The following NHLRC2 variants were observed in gnomAD, a reference collection of about 807,000 sequenced individuals.
NHLRC2 encodes NHL repeat-containing protein 2.
NHLRC2 carries 33 observed loss-of-function variants against 68.1 expected under a neutral mutation model. The ratio of observed to expected loss-of-function variants is 0.48; its 90% CI spans 0.37 to 0.65. The LOEUF (loss-of-function observed/expected upper bound fraction) is 0.65. NHLRC2 is among the 30% of genes least tolerant of loss of function. The pLI, the probability that NHLRC2 is intolerant of heterozygous loss-of-function variation, is 0.00. For missense variants in NHLRC2, 761 were observed against 853.8 expected, an observed-to-expected ratio of 0.89 and a Z score of 1.35; for synonymous variants, 311 against 309.6, an observed-to-expected ratio of 1.00 and a Z score of -0.05.
chr10:113,876,260 GAA>G (rs943018477), intron 2 of NHLRC2, among the ~76,000 whole-genome samples: 6 of 151,756 alleles, frequency 4.0e-5, no homozygotes, highest in Non-Finnish European at 5.9e-5. Context: ...CTAAATAAAA[GAA>G]AAAAAGTTTT....
chr10:113,871,483 T>C (rs1469492203), intron 2 of NHLRC2, among the ~76,000 whole-genome samples: 1 of 152,242 alleles, frequency 6.6e-6, no homozygotes, highest in Admixed American at 6.5e-5. Context: ...CCTCAATTTA[T>C]TGTTAAACAA....
intron 2 of NHLRC2, among the ~76,000 whole-genome samples, chr10:113,875,912 C>CTTT (rs78571661): frequency 7.5e-6 from 1 of 132,742 alleles, no homozygotes; most frequent in Non-Finnish European, 1.6e-5. Flanking sequence ...CAGCCAAACA[C>CTTT]TTTTTTTTTT....
chr10:113,912,762 T>C lies in NHLRC2; in HGVS notation c.*4226T>C, dbSNP rs1387671129. 1.3e-5 allele frequency: 2 copies of C among 152,220 alleles called. No homozygotes were observed. Among genetic ancestry groups the C allele is most frequent in the East Asian group, 3.8e-4 (2 of 5,202 alleles). 9.4% of individuals were successfully genotyped at this position (152,220 alleles called of 1,614,324 possible). ...AGACAGCTTTGGAATAGTGGTGACG[T>C]ATCTGAAGAATAGAAAACCGGAATA... On this transcript the variant is annotated 3_prime_UTR_variant, in exon 11 of 11. Coordinates refer to ENST00000369301, the MANE Select transcript of NHLRC2 (RefSeq NM_198514.4).
chr10:113,893,735 C>G (rs945014693), intron 5 of NHLRC2, among the ~76,000 whole-genome samples: 3 of 152,090 alleles, frequency 2.0e-5, no homozygotes. Context: ...ATAGTAAGCC[C>G]CAGCTGAGCT....
At chr10:113,894,516 C>T (rs1460890987) in intron 5 of NHLRC2, among the ~76,000 whole-genome samples, 1 of 152,130 alleles carries the variant, frequency 6.6e-6, no homozygotes, top group Non-Finnish European at 1.5e-5. Context: ...ATAGTTATGT[C>T]ATCTGCTAAT....
chr10:113,861,029 G>T (rs540902901), intron 2 of NHLRC2, among the ~76,000 whole-genome samples: 1 of 152,118 alleles, frequency 6.6e-6, no homozygotes, highest in Non-Finnish European at 1.5e-5. Context: ...TAAACTCATC[G>T]TAAAGTTGAA....
intron 1 of NHLRC2, among the ~76,000 whole-genome samples, chr10:113,857,148 T>C (rs1845767652): frequency 6.6e-6 from 1 of 152,204 alleles, no homozygotes; most frequent in Non-Finnish European, 1.5e-5. Flanking sequence ...GTAATTATTG[T>C]TATTGTAAAA....
chr10:113,892,400 T>C (rs1232178686), intron 5 of NHLRC2, among the ~76,000 whole-genome samples: 1 of 152,188 alleles, frequency 6.6e-6, no homozygotes, highest in Non-Finnish European at 1.5e-5. Context: ...AAGTGCACTC[T>C]TTTTTGTAAT....
Position 113,909,811 on chromosome 10 carries a change from C to A in NHLRC2, c.*1275C>A, listed in dbSNP as rs1338160748. On this transcript the variant is annotated 3_prime_UTR_variant, in exon 11 of 11. Transcript: ENST00000369301. ...AAGGGTTTAAAAACATCAGGTGAAC[C>A]ATGTTTATTTATTCAGTAAATATTT... is the stretch of plus-strand genomic sequence containing the variant. The A allele has an allele frequency of 6.6e-6, 1 of 151,986 alleles. No homozygotes were observed. 9.4% of individuals were successfully genotyped at this position (151,986 alleles called of 1,614,324 possible).
rs1258285782 is a variant in NHLRC2, at chr10:113,914,606, T to G, written c.*6070T>G. On this transcript the variant is annotated 3_prime_UTR_variant, in exon 11 of 11. Transcript: ENST00000369301. ...AGTAGTAGTATGGTGCAGTAAGGAA[T>G]TTTGTTAATTTTGTTATAAACTCCC... 4.5e-6 allele frequency: 1 copy of G among 221,016 alleles called. No individual in the cohort carries two copies. Among genetic ancestry groups the G allele is most frequent in the Non-Finnish European group, 9.1e-6 (1 of 110,458 alleles). 13.7% of individuals were successfully genotyped at this position (221,016 alleles called of 1,614,324 possible).
At chr10:113,888,858 G>T (rs911460829) in intron 5 of NHLRC2, among the ~76,000 whole-genome samples, 3 of 141,122 alleles carry the variant, frequency 2.1e-5, no homozygotes, top group Non-Finnish European at 4.5e-5. Flanking sequence ...ACTGAGGCTC[G>T]CCATATCACC....
intron 3 of NHLRC2, among the ~76,000 whole-genome samples, chr10:113,878,220 G>C (rs1846002964): frequency 6.6e-6 from 1 of 151,868 alleles, no homozygotes; most frequent in African/African-American, 2.4e-5. Flanking sequence ...TTCCTTATGG[G>C]GGGGTATAGT....
At chr10:113,875,543 A>G (rs1233579561) in intron 2 of NHLRC2, among the ~76,000 whole-genome samples, 8 of 152,192 alleles carry the variant, frequency 5.3e-5, no homozygotes, top group Non-Finnish European at 1.0e-4. Context: ...GGACAAAGCT[A>G]GGAAAAGGAT....
intron 10 of NHLRC2, 90 bp downstream of exon 10, chr10:113,905,126 C>T: frequency 1.5e-6 from 1 of 682,986 alleles, no homozygotes; most frequent in Non-Finnish European, 2.3e-6. Context: ...TATTTTTACT[C>T]TGTATAGGCA....
chr10:113,898,115 G>A lies in NHLRC2; in HGVS notation c.1045G>A (p.Glu349Lys), dbSNP rs1846191877. 1 of 1,600,454 alleles carries A rather than the reference G, an allele frequency of 6.2e-7. No homozygotes were observed. ...AATGATTTATTTTTATAAAGGTTCA[G>A]AGGTCCAAAGAGGTGACATTTTATG... ...WDVVFGTSGS[E>K]VQRGDILWIA... The change falls in exon 6 of 11, where the codon GAG becomes AAG. Residue 349 changes from glutamate (E) to lysine (K), a missense_variant. Coordinates refer to ENST00000369301, the MANE Select transcript of NHLRC2 (RefSeq NM_198514.4).
intron 5 of NHLRC2, among the ~76,000 whole-genome samples, chr10:113,886,716 A>G (rs1846086187): frequency 6.6e-6 from 1 of 152,182 alleles, no homozygotes; most frequent in African/African-American, 2.4e-5. Flanking sequence ...ATCATATACA[A>G]AAACCAACTC....
At chr10:113,904,668 G>A (rs1846258311) in intron 9 of NHLRC2, 149 bp from the exon 10 acceptor site, 4 of 612,370 alleles carry the variant, frequency 6.5e-6, no homozygotes, top group Non-Finnish European at 8.4e-6. Context: ...AATCTTGAGG[G>A]CATCTAACAC....
At chr10:113,866,871 A>G (rs1845872598) in intron 2 of NHLRC2, among the ~76,000 whole-genome samples, 2 of 151,860 alleles carry the variant, frequency 1.3e-5, no homozygotes. Context: ...GGAAAGGGAA[A>G]AGATGCATGG....
rs146597124 is a variant in NHLRC2, at chr10:113,885,762, T to C, written c.1039+1382T>C. 6.4e-3 allele frequency among the ~76,000 whole-genome samples: 975 copies of C among 152,182 alleles called. 14 individuals are homozygous for C. Among genetic ancestry groups the C allele is most frequent in the African/African-American group, 0.023 (940 of 41,576 alleles). ...TCTTTGTATGTAGAAATCTACAATA[T>C]GATTTCTTTTATAGCAAGTACAATA... On this transcript the variant is annotated intron_variant, in intron 5 of 10. Transcript: ENST00000369301.
Sources: allele counts gnomAD v4.1 joint callset (sites outside exome capture counted in the v4.1 genomes callset), GRCh38; gene constraint gnomAD v4.1.1; transcripts MANE v1.5; gene names NCBI Gene and HGNC (gene_info 2026-07-23, HGNC 2026-07-21).